NOP58: variants seen among roughly 807,000 people sequenced by gnomAD.
The protein encoded by NOP58 is NOP58 ribonucleoprotein.
A neutral mutation model predicts 71.2 loss-of-function variants in NOP58; 44 were observed. That is an observed-to-expected ratio of 0.62 (90% CI 0.49 to 0.79). NOP58 has a LOEUF of 0.79. Among genes scored for constraint, NOP58 ranks in the 30% least tolerant of loss-of-function variants. The pLI, the probability that NOP58 is intolerant of heterozygous loss-of-function variation, is 0.00. For missense variants in NOP58, 538 were observed against 620.2 expected (o/e 0.87, Z 1.41); for synonymous variants, 228 against 200.3 (o/e 1.14, Z -1.17).
chr2:202,265,898 TAC>T lies in NOP58; in HGVS notation c.-42_-41del, dbSNP rs1277214690. On this transcript the variant is annotated 5_prime_UTR_variant, in exon 1 of 15. Coordinates refer to ENST00000264279, the MANE Select transcript of NOP58 (RefSeq NM_015934.5). ...GTAGTCGGTGTTTTTGAACTGACTC[TAC>T]AGCTTCTGGCAGGCCGTGCGGCGCC... 1.2e-6 allele frequency: 2 copies of T among 1,613,774 alleles called. No individual in the cohort carries two copies. The highest frequency in any genetic ancestry group is 3.3e-5 in the Admixed American group (2 of 60,016).
chr2:202,284,291 C>T, intron 4 of NOP58, 54 bp from the exon 5 acceptor site: 1 of 1,417,202 alleles, frequency 7.1e-7, no homozygotes, highest in East Asian at 2.5e-5. Context: ...ATAATAACAA[C>T]TTCAGGAAAG....
chr2:202,292,349 A>G lies in NOP58; in HGVS notation c.781-428A>G, dbSNP rs555169885. Among the ~76,000 whole-genome samples the G allele has an allele frequency of 1.6e-4, 24 of 152,236 alleles. No homozygotes were observed. In the East Asian group the frequency reaches 2.1e-3, roughly 13 times the overall value. ...GACTAAGATTTTCAGGCAGTGGACC[A>G]AGTAGTTTACATACATTATATAACG... On this transcript the variant is annotated intron_variant, in intron 8 of 14. Coordinates refer to ENST00000264279, the MANE Select transcript of NOP58 (RefSeq NM_015934.5).
chr2:202,290,286 CTTTAAGTTTTGTTTGTTTG>C lies in NOP58; in HGVS notation c.500-33_500-15del. ...GTGTATGTTTTACCACAATAAATCCCTTTAAGTTTTGTTTGTTTGTTTTTAATCTACTACAGCCTTGTTA... is the reference window on the plus strand; with the variant it reads ...GTGTATGTTTTACCACAATAAATCCCTTTTTAATCTACTACAGCCTTGTTA... On this transcript the variant is annotated intron_variant, in intron 6 of 14. Coordinates refer to ENST00000264279, the MANE Select transcript of NOP58 (RefSeq NM_015934.5). The C allele has an allele frequency of 6.6e-7, 1 of 1,523,170 alleles. No homozygotes were observed. Among genetic ancestry groups the C allele is most frequent in the Non-Finnish European group, 8.8e-7 (1 of 1,133,226 alleles). 94.4% of individuals were successfully genotyped at this position (1,523,170 alleles called of 1,614,324 possible).
chr2:202,268,589 T>C (rs777763006), intron 1 of NOP58, among the ~76,000 whole-genome samples: 2 of 151,710 alleles, frequency 1.3e-5, no homozygotes, highest in Admixed American at 6.6e-5. Flanking sequence ...GAGAATGCTT[T>C]AGGAAGTTTT....
At chr2:202,270,114 C>T (rs1421361331) in intron 1 of NOP58, among the ~76,000 whole-genome samples, 1 of 152,156 alleles carries the variant, frequency 6.6e-6, no homozygotes, top group East Asian at 1.9e-4. Flanking sequence ...TATAACTCAC[C>T]TATAGGTTTT....
intron 1 of NOP58, among the ~76,000 whole-genome samples, chr2:202,269,599 G>A (rs1688480092): frequency 6.6e-6 from 1 of 152,066 alleles, no homozygotes; most frequent in Non-Finnish European, 1.5e-5. Flanking sequence ...GCCTGTGGCC[G>A]AGAGCAGTGG....
In NOP58 at chr2:202,302,975, A is replaced by G; in HGVS notation, c.1457A>G (p.Lys486Arg). Reference sequence around the variant, plus strand: ...GAAGAAGAAGAAACATCTGTGAAGAAGAAGAAGAAAAGGGGTAAAAAGAAA... The same window carrying G: ...GAAGAAGAAGAAACATCTGTGAAGAGGAAGAAGAAAAGGGGTAAAAAGAAA... ...VAEEEETSVK[K>R]KKKRGKKKHI... Residue 486 changes from lysine (K) to arginine (R), a missense_variant, in exon 14 of 15, where the codon AAG becomes AGG. By Grantham distance (26) the Lys-to-Arg change is conservative. Transcript: ENST00000264279. The G allele has an allele frequency of 6.2e-7, 1 of 1,611,402 alleles. No homozygotes were observed. Among genetic ancestry groups the G allele is most frequent in the East Asian group, 2.2e-5 (1 of 44,838 alleles).
At chr2:202,293,038 C>A in intron 9 of NOP58, 135 bp downstream of exon 9, 1 of 892,520 alleles carries the variant, frequency 1.1e-6, no homozygotes, top group Non-Finnish European at 1.9e-6. Context: ...TGTGGGAGAT[C>A]ACTAAGGGCC....
chr2:202,291,054 T>G lies in NOP58; in HGVS notation c.635-71T>G. 3 of 1,351,910 alleles carry G rather than the reference T, an allele frequency of 2.2e-6. No individual in the cohort carries two copies. In the South Asian group the frequency reaches 5.2e-5, roughly 23 times the overall value. 83.7% of individuals were successfully genotyped at this position (1,351,910 alleles called of 1,614,324 possible). On this transcript the variant is annotated intron_variant, in intron 7 of 14. Coordinates refer to ENST00000264279, the MANE Select transcript of NOP58 (RefSeq NM_015934.5). ...TTCATTGGCTTTCTACTTTTTCTTTTGACTATTTGCTGGATTTTATATAAT... is the reference window on the plus strand; with the variant it reads ...TTCATTGGCTTTCTACTTTTTCTTTGGACTATTTGCTGGATTTTATATAAT...
intron 5 of NOP58, among the ~76,000 whole-genome samples, chr2:202,286,683 A>G (rs1158382304): frequency 1.3e-5 from 2 of 152,228 alleles, no homozygotes; most frequent in African/African-American, 4.8e-5. Context: ...AACTGAGTCA[A>G]AAATCCAAAC....
At chr2:202,283,571 G>C (rs1296166675) in intron 4 of NOP58, among the ~76,000 whole-genome samples, 1 of 151,882 alleles carries the variant, frequency 6.6e-6, no homozygotes, top group Non-Finnish European at 1.5e-5. Flanking sequence ...CTCCCGAGTA[G>C]CTGGGACTAT....
At position 202,295,836 on chromosome 2, in the gene NOP58, A is replaced by T; in HGVS notation, c.1070A>T (p.Lys357Met). Residue 357 changes from lysine (K) to methionine (M), a missense_variant and splice_region_variant, in exon 10 of 15, where the codon AAG becomes ATG. Physicochemically the swap from Lys to Met is moderately conservative, Grantham distance 95 (BLOSUM62 -1). Coordinates refer to ENST00000264279, the MANE Select transcript of NOP58 (RefSeq NM_015934.5). Reference sequence around the variant, plus strand: ...CAGACAAGTCCCAAACACAAAGGAAAGGTGTGTTATAGGGTTTTGCTTTGT... The same window carrying T: ...CAGACAAGTCCCAAACACAAAGGAATGGTGTGTTATAGGGTTTTGCTTTGT... Reference protein sequence around the residue: ...VGQTSPKHKGKISRMLAAKTV... With the variant: ...VGQTSPKHKGMISRMLAAKTV... 6.4e-7 allele frequency: 1 copy of T among 1,571,090 alleles called. No homozygotes were observed. The highest frequency in any genetic ancestry group is 1.2e-5 in the South Asian group (1 of 83,738).
chr2:202,290,522 G>A (rs959704693), intron 7 of NOP58, 65 bp downstream of exon 7: 4 of 1,379,518 alleles, frequency 2.9e-6, no homozygotes, highest in Non-Finnish European at 4.0e-6. Flanking sequence ...CCTAAAACAT[G>A]ACGTATAGCA....
intron 3 of NOP58, among the ~76,000 whole-genome samples, chr2:202,279,113 G>A (rs1425874883): frequency 2.0e-5 from 3 of 152,202 alleles, no homozygotes; most frequent in Non-Finnish European, 1.5e-5. Flanking sequence ...TTCCAAGCAA[G>A]ATTGTGTTAG....
chr2:202,281,385 A>G (rs1402509006), intron 3 of NOP58, among the ~76,000 whole-genome samples: 2 of 151,852 alleles, frequency 1.3e-5, no homozygotes, highest in Non-Finnish European at 2.9e-5. Context: ...TCAGCCTCCC[A>G]AAGTGCTGGG....
At chr2:202,272,214 C>G (rs1024106983) in intron 1 of NOP58, among the ~76,000 whole-genome samples, 4 of 141,404 alleles carry the variant, frequency 2.8e-5, no homozygotes, top group Non-Finnish European at 6.0e-5. Flanking sequence ...TGCAGTGGCG[C>G]GATCTCAGCT....
Position 202,300,320 on chromosome 2 carries a change from A to G in NOP58, c.1355A>G (p.Asp452Gly). 1 of 1,596,962 alleles carries G rather than the reference A, an allele frequency of 6.3e-7. No individual in the cohort carries two copies. Among genetic ancestry groups the G allele is most frequent in the East Asian group, 2.3e-5 (1 of 44,412 alleles). The change falls in exon 13 of 15, where the codon GAT becomes GGT. Residue 452 changes from aspartate (D) to glycine (G), a missense_variant. By Grantham distance (94) the Asp-to-Gly change is moderately conservative (BLOSUM62 -1). Transcript: ENST00000264279. Reference protein sequence around the residue: ...KRKIEQVDKEDEITEKKAKKA... With the variant: ...KRKIEQVDKEGEITEKKAKKA... Reference sequence around the variant, plus strand: ...AAAATAGAACAGGTAGATAAAGAGGATGAAATTACTGAAAAGAAAGCCAAA... The same window carrying G: ...AAAATAGAACAGGTAGATAAAGAGGGTGAAATTACTGAAAAGAAAGCCAAA...
rs1033115839 is a variant in NOP58, at chr2:202,297,909, G to GAGTA, written c.1268+4_1268+7dup. On this transcript the variant is annotated splice_donor_region_variant and intron_variant, in intron 12 of 14. Coordinates refer to ENST00000264279, the MANE Select transcript of NOP58 (RefSeq NM_015934.5). ...ACAGAAAAATATGAACACAAAAGGT[G>GAGTA]AGTACATTTAAGTGAGGATGGGGTG... The GAGTA allele has an allele frequency of 1.9e-6, 3 of 1,565,446 alleles. No homozygotes were observed. The highest frequency in any genetic ancestry group is 2.6e-6 in the Non-Finnish European group (3 of 1,151,438).
At chr2:202,277,670 C>A (rs757846580) in intron 2 of NOP58, among the ~76,000 whole-genome samples, 1 of 152,136 alleles carries the variant, frequency 6.6e-6, no homozygotes, top group Admixed American at 6.6e-5. Context: ...CTTTATGCAA[C>A]AGGGGTTTGT....
Sources: allele counts gnomAD v4.1 joint callset (sites outside exome capture counted in the v4.1 genomes callset), GRCh38; gene constraint gnomAD v4.1.1; transcripts MANE v1.5; gene names NCBI Gene and HGNC (gene_info 2026-07-23, HGNC 2026-07-21).